Variants in PTPRD observed in about 807,000 individuals in gnomAD.
PTPRD encodes protein tyrosine phosphatase receptor type D.
PTPRD carries 34 observed loss-of-function variants against 214.5 expected under a neutral mutation model. The ratio of observed to expected loss-of-function variants is 0.16; its 90% CI spans 0.12 to 0.21. The LOEUF (loss-of-function observed/expected upper bound fraction) is 0.21. PTPRD is among the 10% of genes least tolerant of loss of function. The pLI is 1.00. For synonymous variants in PTPRD, 1,128 were observed against 845.7 expected, an observed-to-expected ratio of 1.33 and a Z score of -5.79; for missense variants, 2,545 against 2,398.7, an observed-to-expected ratio of 1.06 and a Z score of -1.27.
At chr9:10,295,112 G>A (rs369104779) in intron 3 of PTPRD, among the ~76,000 whole-genome samples, 2 of 151,958 alleles carry the variant, frequency 1.3e-5, no homozygotes, top group African/African-American at 4.8e-5. Flanking sequence ...ATCTCTAAAG[G>A]ATATTGTATA....
chr9:9,384,343 C>CTGTTTTTTT (rs2063208723), intron 9 of PTPRD, among the ~76,000 whole-genome samples: 1 of 33,316 alleles, frequency 3.0e-5, no homozygotes, highest in African/African-American at 7.6e-5. Context: ...GAAGACTAGG[C>CTGTTTTTTT]TTTTTTTTTT....
intron 9 of PTPRD, among the ~76,000 whole-genome samples, chr9:9,232,466 A>T (rs2099963690): frequency 6.6e-6 from 1 of 152,202 alleles, no homozygotes; most frequent in Non-Finnish European, 1.5e-5. Context: ...ATTCACAATA[A>T]TGAAGCTTAC....
At chr9:8,564,068 T>C (rs916515627) in intron 14 of PTPRD, among the ~76,000 whole-genome samples, 1 of 152,168 alleles carries the variant, frequency 6.6e-6, no homozygotes, top group Non-Finnish European at 1.5e-5. Context: ...TAGAGATATG[T>C]GGTACGATAC....
intron 8 of PTPRD, among the ~76,000 whole-genome samples, chr9:9,541,869 G>T (rs2077661114): frequency 1.3e-5 from 2 of 151,766 alleles, no homozygotes; most frequent in African/African-American, 2.4e-5. Context: ...AGTAACTATT[G>T]AATGTTGGGT....
chr9:9,386,329 A>G (rs2063857293), intron 9 of PTPRD, among the ~76,000 whole-genome samples: 1 of 152,146 alleles, frequency 6.6e-6, no homozygotes, highest in African/African-American at 2.4e-5. Context: ...ACATTGAACC[A>G]ATGAGGTACG....
intron 5 of PTPRD, among the ~76,000 whole-genome samples, chr9:9,804,992 A>G (rs1265340281): frequency 6.6e-6 from 1 of 152,142 alleles, no homozygotes; most frequent in African/African-American, 2.4e-5. Flanking sequence ...CATTTGTAAA[A>G]TATTGTACAG....
chr9:9,976,533 T>C (rs2095358256), intron 4 of PTPRD, among the ~76,000 whole-genome samples: 2 of 151,292 alleles, frequency 1.3e-5, no homozygotes, highest in Non-Finnish European at 2.9e-5. Context: ...ATTACAGGTA[T>C]GTGCCACCAC....
At chr9:10,432,941 C>A (rs1391462104) in intron 2 of PTPRD, among the ~76,000 whole-genome samples, 1 of 152,008 alleles carries the variant, frequency 6.6e-6, no homozygotes, top group Admixed American at 6.6e-5. Flanking sequence ...TTTGCTATCA[C>A]ATTTGCCTTC....
At chr9:10,449,685 G>GC (rs2098826097) in intron 2 of PTPRD, among the ~76,000 whole-genome samples, 1 of 144,168 alleles carries the variant, frequency 6.9e-6, no homozygotes, top group Non-Finnish European at 1.5e-5. Context: ...CTGCCCGGCC[G>GC]CCCCGTCTGA....
At chr9:9,376,747 A>C (rs1339474036) in intron 9 of PTPRD, among the ~76,000 whole-genome samples, 1 of 152,178 alleles carries the variant, frequency 6.6e-6, no homozygotes, top group African/African-American at 2.4e-5. Context: ...CGGGTCTCTT[A>C]TTATAAAGCA....
At chr9:9,962,517 C>G (rs1366114335) in intron 4 of PTPRD, among the ~76,000 whole-genome samples, 1 of 149,550 alleles carries the variant, frequency 6.7e-6, no homozygotes, top group African/African-American at 2.6e-5. Flanking sequence ...AAACATTAAG[C>G]CATTAAGCCA....
intron 2 of PTPRD, among the ~76,000 whole-genome samples, chr9:10,550,196 C>T (rs1806147656): frequency 1.3e-5 from 2 of 152,176 alleles, no homozygotes; most frequent in African/African-American, 2.4e-5. Context: ...TTTCCTATTC[C>T]AAACATTCTT....
chr9:10,533,839 A>G (rs2057091403), intron 2 of PTPRD, among the ~76,000 whole-genome samples: 1 of 151,816 alleles, frequency 6.6e-6, no homozygotes. Flanking sequence ...CTAGTGACCT[A>G]TTTTATAATA....
chr9:10,100,385 G>T (rs1419293753), intron 3 of PTPRD, among the ~76,000 whole-genome samples: 3 of 151,648 alleles, frequency 2.0e-5, no homozygotes, highest in Admixed American at 6.6e-5. Context: ...TTGAACCAAA[G>T]CAGTCTAGTT....
At chr9:9,872,567 G>A (rs546499316) in intron 5 of PTPRD, among the ~76,000 whole-genome samples, 3 of 152,002 alleles carry the variant, frequency 2.0e-5, no homozygotes, top group Non-Finnish European at 2.9e-5. Flanking sequence ...TCCAGCCTGG[G>A]CAACAGAGCA....
chr9:8,384,199 C>T (rs866766716), intron 37 of PTPRD, among the ~76,000 whole-genome samples: 8 of 152,118 alleles, frequency 5.3e-5, no homozygotes, highest in Non-Finnish European at 1.2e-4. Context: ...CAGCTGTATA[C>T]ATTTTACTTT....
At chr9:8,773,536 T>C (rs541016460) in intron 11 of PTPRD, among the ~76,000 whole-genome samples, 1 of 152,298 alleles carries the variant, frequency 6.6e-6, no homozygotes, top group African/African-American at 2.4e-5. Context: ...GTTTTATGGC[T>C]TGTTTCACAC....
chr9:9,074,457 T>C (rs2099748107), intron 10 of PTPRD, among the ~76,000 whole-genome samples: 1 of 152,108 alleles, frequency 6.6e-6, no homozygotes, highest in Admixed American at 6.6e-5. Flanking sequence ...ACTGGGATTA[T>C]TGTAGAATTC....
intron 9 of PTPRD, among the ~76,000 whole-genome samples, chr9:9,285,545 T>C (rs1469132922): frequency 6.6e-6 from 1 of 151,844 alleles, no homozygotes. Context: ...CATTAGCAAT[T>C]GTGCAAGTGC....
Sources: gnomAD v4.1 joint callset for allele counts (sites outside exome capture counted in the v4.1 genomes callset) on GRCh38, gnomAD v4.1.1 for gene constraint, MANE v1.5 for transcripts, NCBI Gene and HGNC (gene_info 2026-07-23, HGNC 2026-07-21) for gene names.